The following PIWIL4 variants were observed in gnomAD, a reference collection of about 807,000 sequenced individuals.
The protein encoded by PIWIL4 is piwi-like protein 4.
In PIWIL4, 50 loss-of-function variants were observed where a neutral mutation model predicts 100.9. That is an observed-to-expected ratio of 0.50 (90% CI 0.39 to 0.63). PIWIL4 has a LOEUF of 0.63. PIWIL4 is among the 20% of genes least tolerant of loss of function. The probability of loss-of-function intolerance (pLI) is 0.00; values close to 1 mark genes in which losing one functional copy is unlikely to be tolerated. For synonymous variants in PIWIL4, 342 were observed against 367.5 expected (o/e 0.93, Z 0.79); for missense variants, 887 against 1,043.3 (o/e 0.85, Z 2.06).
chr11:94,612,180 TTCTC>T (rs113309655), intron 15 of PIWIL4, among the ~76,000 whole-genome samples: 47,811 of 151,838 alleles, frequency 0.31, 7,733 homozygotes, highest in East Asian at 0.36. Flanking sequence ...GTATTGCTGT[TTCTC>T]TCTTCAGATG....
At position 94,597,932 on chromosome 11, in the gene PIWIL4, T is replaced by C; in HGVS notation, c.1380+17T>C. The stretch of plus-strand genomic sequence containing the variant: ...GACCACATAGTAAGTGCTGTGATTT[T>C]ATTTTCATTTAAAAGTATTTACTTG... On this transcript the variant is annotated intron_variant, in intron 11 of 19. Transcript: ENST00000299001. The C allele has an allele frequency of 1.3e-6, 2 of 1,562,012 alleles. No individual in the cohort carries two copies. The highest frequency in any genetic ancestry group is 1.8e-6 in the Non-Finnish European group (2 of 1,133,654).
At chr11:94,567,694 C>T in intron 1 of PIWIL4, 89 bp downstream of exon 1, 2 of 1,375,004 alleles carry the variant, frequency 1.5e-6, no homozygotes, top group African/African-American at 1.4e-5. Context: ...GTATCTCCTC[C>T]TCTCTGTTAC....
At chr11:94,568,266 A>G (rs564165781) in intron 1 of PIWIL4, among the ~76,000 whole-genome samples, 1 of 152,342 alleles carries the variant, frequency 6.6e-6, no homozygotes, top group East Asian at 1.9e-4. Flanking sequence ...AGAAGTAGTT[A>G]CTATGAAAAG....
Position 94,619,843 on chromosome 11 carries a change from C to T in PIWIL4, c.2252C>T (p.Pro751Leu), listed in dbSNP as rs750177185. 2 of 1,614,228 alleles carry T rather than the reference C, an allele frequency of 1.2e-6. No individual in the cohort carries two copies. Among genetic ancestry groups the T allele is most frequent in the Non-Finnish European group, 8.5e-7 (1 of 1,180,036 alleles). Residue 751 changes from proline (P) to leucine (L), a missense_variant, in exon 18 of 20, where the codon CCA becomes CTA. Physicochemically the swap from Pro to Leu is moderately conservative, Grantham distance 98. Around this residue, in one of 2 missense-constraint regions of PIWIL4, gnomAD observed 741 missense variants for 930.0 expected, o/e 0.80. Transcript: ENST00000299001. ...ATGAACCGCACTGTACAGAACCCCC[C>T]ACTTGGCACTGTTGTGGATTCAGAA... ...TEMNRTVQNP[P>L]LGTVVDSEAT...
chr11:94,570,927 C>T (rs1225835823), intron 2 of PIWIL4, among the ~76,000 whole-genome samples: 2 of 151,972 alleles, frequency 1.3e-5, no homozygotes, highest in African/African-American at 2.4e-5. Flanking sequence ...ACAAAAAAAA[C>T]AATTTAGTCA....
chr11:94,591,884 A>G (rs1422010567), intron 8 of PIWIL4, among the ~76,000 whole-genome samples: 3 of 152,204 alleles, frequency 2.0e-5, no homozygotes, highest in Non-Finnish European at 4.4e-5. Context: ...TTCAAATGCT[A>G]AGAAAATTGG....
chr11:94,601,595 G>A (rs1358618373), intron 11 of PIWIL4, among the ~76,000 whole-genome samples, 200 bp from the exon 12 acceptor site: 2 of 152,196 alleles, frequency 1.3e-5, no homozygotes, highest in Non-Finnish European at 2.9e-5. Flanking sequence ...TGGAAGACCT[G>A]GGATGACGCC....
At chr11:94,587,308 A>G (rs1948414928) in intron 7 of PIWIL4, 61 bp downstream of exon 7, 1 of 1,503,364 alleles carries the variant, frequency 6.7e-7, no homozygotes, top group Non-Finnish European at 9.2e-7. Context: ...GTATTTGGGA[A>G]TAGGAATAGT....
intron 13 of PIWIL4, among the ~76,000 whole-genome samples, chr11:94,606,659 C>A (rs1014915592): frequency 6.6e-6 from 1 of 152,040 alleles, no homozygotes; most frequent in Admixed American, 6.5e-5. Flanking sequence ...ATAGTGAAAC[C>A]CCGTCTCTAC....
chr11:94,567,853 A>G, intron 1 of PIWIL4: 1 of 1,075,900 alleles, frequency 9.3e-7, no homozygotes. Context: ...CAAATATGTC[A>G]TTCTCTTCTA....
chr11:94,581,894 C>A (rs925448429), intron 4 of PIWIL4, among the ~76,000 whole-genome samples: 1 of 152,174 alleles, frequency 6.6e-6, no homozygotes, highest in African/African-American at 2.4e-5. Flanking sequence ...AATTCCACAT[C>A]ATGTGCTCTT....
intron 10 of PIWIL4, among the ~76,000 whole-genome samples, chr11:94,597,061 C>T (rs531357010): frequency 6.6e-6 from 1 of 152,308 alleles, no homozygotes; most frequent in South Asian, 2.1e-4. Context: ...TGGAAGTTAT[C>T]ATATACTCCC....
In PIWIL4 at chr11:94,585,458, T is replaced by C; in HGVS notation, c.649T>C (p.Leu217=). Residue 217 remains leucine (L), a synonymous_variant, in exon 6 of 20, where the codon TTG becomes CTG. Coordinates refer to ENST00000299001, the MANE Select transcript of PIWIL4 (RefSeq NM_152431.3). ...NIIFRKILKK[L]SMYQIGRNFY... The stretch of plus-strand genomic sequence containing the variant: ...ATATACTTGCAGGATCCTCAAAAAG[T>C]TGTCCATGTACCAAATTGGACGGAA... The C allele has an allele frequency of 6.2e-7, 1 of 1,609,602 alleles. No individual in the cohort carries two copies. The highest frequency in any genetic ancestry group is 1.1e-5 in the South Asian group (1 of 89,710).
Position 94,608,581 on chromosome 11 carries a change from A to T in PIWIL4, c.1840-2A>T, listed in dbSNP as rs1245286780. The T allele has an allele frequency of 6.2e-7, 1 of 1,612,122 alleles. No homozygotes were observed. The highest frequency in any genetic ancestry group is 8.5e-7 in the Non-Finnish European group (1 of 1,178,564). On this transcript the variant is annotated splice_acceptor_variant, in intron 14 of 19. Transcript: ENST00000299001. LOFTEE classifies it high-confidence loss of function. The stretch of plus-strand genomic sequence containing the variant: ...TAAATCATGACAAATTTAATTTTAT[A>T]GTTAAAGTCCCTGATGGTGGTCGGT...
intron 1 of PIWIL4, among the ~76,000 whole-genome samples, chr11:94,568,030 G>A (rs944166310): frequency 6.6e-6 from 1 of 151,582 alleles, no homozygotes. Flanking sequence ...TGTTTCTTGA[G>A]CAACCACTAT....
intron 2 of PIWIL4, among the ~76,000 whole-genome samples, chr11:94,569,760 A>C (rs1222367997): frequency 7.1e-6 from 1 of 141,774 alleles, no homozygotes; most frequent in Non-Finnish European, 1.5e-5. Context: ...AAGCTAAATA[A>C]TGTGTACACA....
chr11:94,595,561 TC>T, intron 10 of PIWIL4, 135 bp downstream of exon 10: 1 of 698,640 alleles, frequency 1.4e-6, no homozygotes, highest in Non-Finnish European at 2.4e-6. Flanking sequence ...AATTGTGCTG[TC>T]CACAGCCCTT....
At chr11:94,588,969 G>A (rs753777680) in intron 7 of PIWIL4, 152 bp from the exon 8 acceptor site, 1 of 587,638 alleles carries the variant, frequency 1.7e-6, no homozygotes, top group Non-Finnish European at 3.0e-6. Context: ...TAAGAGCTGA[G>A]TATTTTTTAA....
At chr11:94,616,444 T>C in intron 15 of PIWIL4, 49 bp from the exon 16 acceptor site, 1 of 1,402,924 alleles carries the variant, frequency 7.1e-7, no homozygotes, top group South Asian at 1.3e-5. Context: ...ATATTTATGG[T>C]AGAAAAATTG....
Sources: gnomAD v4.1 joint callset for allele counts (sites outside exome capture counted in the v4.1 genomes callset) on GRCh38, gnomAD v4.1.1 for gene constraint, gnomAD v4.1.1 regional missense constraint, MANE v1.5 for transcripts, NCBI Gene and HGNC (gene_info 2026-07-23, HGNC 2026-07-21) for gene names.